Variants in RNF216 observed in about 807,000 individuals in gnomAD.
The protein encoded by RNF216 is ring finger protein 216, also known as E3 ubiquitin-protein ligase RNF216.
Under a neutral mutation model 110.8 loss-of-function variants are expected in RNF216, and 72 were observed. That is an observed-to-expected ratio of 0.65 (90% CI 0.54 to 0.79). The LOEUF (loss-of-function observed/expected upper bound fraction) is 0.79. Among genes scored for constraint, RNF216 ranks in the 30% least tolerant of loss-of-function variants. The pLI is 0.00. For synonymous variants in RNF216, 495 were observed against 407.5 expected, an observed-to-expected ratio of 1.21 and a Z score of -2.59; for missense variants, 1,342 against 1,141.2, an observed-to-expected ratio of 1.18 and a Z score of -2.54.
intron 13 of RNF216, among the ~76,000 whole-genome samples, chr7:5,700,608 C>A (rs1791903863): frequency 6.6e-6 from 1 of 152,166 alleles, no homozygotes; most frequent in Admixed American, 6.5e-5. Flanking sequence ...CTAACTAGTA[C>A]ACAAAACCAC....
intron 14 of RNF216, among the ~76,000 whole-genome samples, chr7:5,643,029 C>T (rs538402651): frequency 2.2e-4 from 34 of 152,116 alleles, no homozygotes; most frequent in South Asian, 6.2e-4. Context: ...TATTTGCTTG[C>T]TCATCCGATC....
At chr7:5,764,214 A>G (rs1292641913) in intron 1 of RNF216, among the ~76,000 whole-genome samples, 1 of 152,092 alleles carries the variant, frequency 6.6e-6, no homozygotes. Flanking sequence ...ACTAATTAAA[A>G]AAAAAAAAAA....
At chr7:5,686,224 T>TG (rs963358016) in intron 13 of RNF216, among the ~76,000 whole-genome samples, 1 of 111,632 alleles carries the variant, frequency 9.0e-6, no homozygotes, top group African/African-American at 3.6e-5. Flanking sequence ...ACTCTGTTAT[T>TG]AAAAAAAAAA....
At chr7:5,742,109 C>A (rs1032436229) in intron 3 of RNF216, among the ~76,000 whole-genome samples, 4 of 151,670 alleles carry the variant, frequency 2.6e-5, no homozygotes, top group African/African-American at 9.7e-5. Context: ...TGCAATGGTG[C>A]GATCTCGGCT....
rs1475291519 is a variant in RNF216, at chr7:5,620,712, C to G, written c.*2148G>C. On this transcript the variant is annotated 3_prime_UTR_variant, in exon 17 of 17. Transcript: ENST00000389902. ...GCCTTAGGAGAAACATCACTCTGGGCTCCCCCTCCCCTGCCAGGGTTGAGG... is the reference window on the plus strand; with the variant it reads ...GCCTTAGGAGAAACATCACTCTGGGGTCCCCCTCCCCTGCCAGGGTTGAGG... 1 of 152,430 alleles carries G rather than the reference C, an allele frequency of 6.6e-6. No homozygotes were observed. Among genetic ancestry groups the G allele is most frequent in the Non-Finnish European group, 1.5e-5 (1 of 68,210 alleles). The allele number at this position is 152,430 out of a possible 1,614,324, so 9.4% of individuals were successfully genotyped here.
chr7:5,672,264 T>G (rs1789967590), intron 13 of RNF216, among the ~76,000 whole-genome samples: 3 of 152,234 alleles, frequency 2.0e-5, no homozygotes, highest in African/African-American at 2.4e-5. Flanking sequence ...AGCACATGGC[T>G]TCCTGGAAGC....
rs931522288 is a variant in RNF216, at chr7:5,622,694, C to T, written c.*166G>A. The T allele has an allele frequency of 1.5e-6, 1 of 687,362 alleles. No homozygotes were observed. Among genetic ancestry groups the T allele is most frequent in the Non-Finnish European group, 2.5e-6 (1 of 407,088 alleles). The allele number at this position is 687,362 out of a possible 1,614,324, so 42.6% of individuals were successfully genotyped here. Reference sequence around the variant, plus strand: ...CGTCTTTATTATGGATCCGTCCACTCTTCCAGGAGCAGTAGCCCTTCTAGG... The same window carrying T: ...CGTCTTTATTATGGATCCGTCCACTTTTCCAGGAGCAGTAGCCCTTCTAGG... On this transcript the variant is annotated 3_prime_UTR_variant, in exon 17 of 17. Transcript: ENST00000389902.
chr7:5,721,859 A>G (rs1793446040), intron 8 of RNF216, among the ~76,000 whole-genome samples: 1 of 152,274 alleles, frequency 6.6e-6, no homozygotes, highest in Non-Finnish European at 1.5e-5. Context: ...AGAGAGCAGA[A>G]TAACAAATAT....
At chr7:5,721,971 G>A (rs947902636) in intron 8 of RNF216, among the ~76,000 whole-genome samples, 2 of 152,222 alleles carry the variant, frequency 1.3e-5, no homozygotes, top group African/African-American at 4.8e-5. Flanking sequence ...TGCTCACGCT[G>A]GAGTGCAGTG....
chr7:5,771,227 A>G (rs1206685310), intron 1 of RNF216, among the ~76,000 whole-genome samples: 1 of 152,210 alleles, frequency 6.6e-6, no homozygotes, highest in Non-Finnish European at 1.5e-5. Context: ...AGTAGGGGGT[A>G]ACAACCCCTT....
chr7:5,772,666 T>G (rs187614804), intron 1 of RNF216, among the ~76,000 whole-genome samples: 1 of 152,166 alleles, frequency 6.6e-6, no homozygotes, highest in African/African-American at 2.4e-5. Context: ...TTTTCTCAAC[T>G]TATAGAATGT....
chr7:5,711,889 T>C, intron 12 of RNF216, 50 bp from the exon 13 acceptor site: 1 of 1,538,450 alleles, frequency 6.5e-7, no homozygotes, highest in Non-Finnish European at 9.0e-7. Context: ...TAAAGCCTGA[T>C]CTGGTTCCAG....
At chr7:5,703,063 G>GACTC (rs1792071875) in intron 13 of RNF216, among the ~76,000 whole-genome samples, 1 of 152,122 alleles carries the variant, frequency 6.6e-6, no homozygotes, top group Non-Finnish European at 1.5e-5. Context: ...TGAAGAAAGT[G>GACTC]ACTCACCTTG....
chr7:5,767,539 T>C (rs985984284), intron 1 of RNF216, among the ~76,000 whole-genome samples: 3 of 151,200 alleles, frequency 2.0e-5, no homozygotes, highest in African/African-American at 7.3e-5. Flanking sequence ...CTCCCCAAAA[T>C]CCAACAGCAG....
intron 13 of RNF216, among the ~76,000 whole-genome samples, chr7:5,703,980 C>T (rs183220584): frequency 1.3e-5 from 2 of 152,326 alleles, no homozygotes; most frequent in African/African-American, 4.8e-5. Context: ...ATGTAACACT[C>T]TTCAGTCTCA....
At chr7:5,684,329 G>A (rs568161109) in intron 13 of RNF216, among the ~76,000 whole-genome samples, 133 of 151,938 alleles carry the variant, frequency 8.8e-4, no homozygotes, top group Non-Finnish European at 1.5e-3. Flanking sequence ...GGATGGTCTC[G>A]ATCTCCTGAC....
Position 5,721,170 on chromosome 7 carries a change from C to T in RNF216, c.1507G>A (p.Asp503Asn), listed in dbSNP as rs768262823. Reference sequence around the variant, plus strand: ...AACATCCTCTTTTCTATTTTTATGTCACCTAGAAGATATACGACAATGCAA... The same window carrying T: ...AACATCCTCTTTTCTATTTTTATGTTACCTAGAAGATATACGACAATGCAA... ...SYIDFKFEQG[D>N]IKIEKRMFFL... Residue 503 changes from aspartate (D) to asparagine (N), a missense_variant and splice_region_variant, in exon 9 of 17, where the codon GAC becomes AAC. Transcript: ENST00000389902. The T allele has an allele frequency of 1.2e-6, 2 of 1,613,776 alleles. No homozygotes were observed. The highest frequency in any genetic ancestry group is 2.2e-5 in the South Asian group (2 of 91,076).
chr7:5,753,009 G>C, intron 2 of RNF216, 30 bp from the exon 3 acceptor site: 1 of 1,591,466 alleles, frequency 6.3e-7, no homozygotes. Context: ...ACTGTTACTG[G>C]GAGGTTGGCA....
chr7:5,781,022 C>T (rs538799144), intron 1 of RNF216, among the ~76,000 whole-genome samples: 14 of 152,242 alleles, frequency 9.2e-5, no homozygotes, highest in African/African-American at 3.4e-4. Context: ...GACGCACTTG[C>T]GGCGCCCTCG....
Sources: gnomAD v4.1 joint callset for allele counts (sites outside exome capture counted in the v4.1 genomes callset) on GRCh38, gnomAD v4.1.1 for gene constraint, MANE v1.5 for transcripts, NCBI Gene and HGNC (gene_info 2026-07-23, HGNC 2026-07-21) for gene names.